Variants in CLCC1 observed in about 807,000 individuals in gnomAD.
CLCC1 encodes the protein chloride channel CLIC like 1.
In CLCC1, 39 loss-of-function variants were observed where a neutral mutation model predicts 63.3. That is an observed-to-expected ratio of 0.62 (90% confidence interval 0.48 to 0.81). CLCC1 has a LOEUF of 0.81. Among genes scored for constraint, CLCC1 ranks in the 30% least tolerant of loss-of-function variants. The pLI is 0.00. For synonymous variants in CLCC1, 217 were observed against 239.8 expected (o/e 0.90, Z 0.88); for missense variants, 549 against 669.4 (o/e 0.82, Z 1.98).
chr1:108,938,017 T>G (rs1489646535), intron 10 of CLCC1, among the ~76,000 whole-genome samples: 1 of 152,212 alleles, frequency 6.6e-6, no homozygotes, highest in Non-Finnish European at 1.5e-5. Context: ...TCTTTTTCAC[T>G]GTCCCCTCCT....
At position 108,931,291 on chromosome 1, in the gene CLCC1, A is replaced by C; in HGVS notation, c.*1256T>G. On this transcript the variant is annotated 3_prime_UTR_variant, in exon 13 of 13. Transcript: ENST00000369969. ...TCAGCTAGAACCTTAGTTGTCATTA[A>C]GCTTTGTCTTCCTTATCCCAGATAT... 1 of 1,523,326 alleles carries C rather than the reference A, an allele frequency of 6.6e-7. No homozygotes were observed. The highest frequency in any genetic ancestry group is 8.8e-7 in the Non-Finnish European group (1 of 1,133,926). 94.4% of individuals were successfully genotyped at this position (1,523,326 alleles called of 1,614,324 possible).
chr1:108,963,288 T>G (rs1048495045), intron 1 of CLCC1, 73 bp downstream of exon 1: 4 of 675,212 alleles, frequency 5.9e-6, no homozygotes, highest in Admixed American at 4.1e-5. Context: ...GCGAGTCCGC[T>G]GGACCCGCCA....
In CLCC1 at chr1:108,941,390, G is replaced by C; in HGVS notation, c.796+15C>G. ...ATTTCTATTCAAAATAAGGACAAGT[G>C]CACAAACACCTTACCCCAGATACTT... is the stretch of plus-strand genomic sequence containing the variant. On this transcript the variant is annotated intron_variant, in intron 8 of 12. Coordinates refer to ENST00000369969, the MANE Select transcript of CLCC1 (RefSeq NM_001377458.1). 1 of 1,603,126 alleles carries C rather than the reference G, an allele frequency of 6.2e-7. No homozygotes were observed. The highest frequency in any genetic ancestry group is 8.5e-7 in the Non-Finnish European group (1 of 1,171,934).
chr1:108,949,718 G>C, intron 4 of CLCC1, 102 bp downstream of exon 4: 1 of 627,498 alleles, frequency 1.6e-6, no homozygotes, highest in Non-Finnish European at 2.6e-6. Flanking sequence ...AAATCATACG[G>C]TACACGGAAA....
At chr1:108,946,872 T>C (rs1654606643) in intron 5 of CLCC1, among the ~76,000 whole-genome samples, 2 of 152,006 alleles carry the variant, frequency 1.3e-5, no homozygotes, top group South Asian at 2.1e-4. Flanking sequence ...TTCTTAAAAA[T>C]AGAAATTTTG....
chr1:108,944,507 C>T (rs1053968723), intron 5 of CLCC1, among the ~76,000 whole-genome samples: 1 of 151,970 alleles, frequency 6.6e-6, no homozygotes, highest in Non-Finnish European at 1.5e-5. Context: ...CCTGTCTTCA[C>T]AGGCCAACAT....
chr1:108,954,410 C>T (rs979445007), intron 2 of CLCC1, among the ~76,000 whole-genome samples: 1 of 150,872 alleles, frequency 6.6e-6, no homozygotes, highest in African/African-American at 2.5e-5. Flanking sequence ...GCAGGAGAAT[C>T]GCTTGAACCT....
Position 108,947,729 on chromosome 1 carries a change from A to T in CLCC1, c.232-11T>A. The T allele has an allele frequency of 1.9e-6, 3 of 1,547,758 alleles. No individual in the cohort carries two copies. The highest frequency in any genetic ancestry group is 2.2e-5 in the East Asian group (1 of 44,506). ...TTCACACTCATCAATCTGTAACCAT[A>T]AAATCAATTCAACATTAGTTAGAGT... On this transcript the variant is annotated splice_polypyrimidine_tract_variant and intron_variant, in intron 4 of 12. Coordinates refer to ENST00000369969, the MANE Select transcript of CLCC1 (RefSeq NM_001377458.1).
chr1:108,938,370 A>G (rs1453596664), intron 10 of CLCC1, among the ~76,000 whole-genome samples: 5 of 152,322 alleles, frequency 3.3e-5, no homozygotes, highest in Middle Eastern at 6.8e-3. Flanking sequence ...TCAGTTTCAG[A>G]GACTAAACTA....
Position 108,931,906 on chromosome 1 carries a change from A to T in CLCC1, c.*641T>A. ...GTATACAATAGTTCTTACAGCCTGT[A>T]AACATTCAACATTATTCCATTTAAA... On this transcript the variant is annotated 3_prime_UTR_variant, in exon 13 of 13. Transcript: ENST00000369969. 6.4e-6 allele frequency: 1 copy of T among 157,280 alleles called. No homozygotes were observed. Among genetic ancestry groups the T allele is most frequent in the African/African-American group, 2.4e-5 (1 of 41,500 alleles). The allele number at this position is 157,280 out of a possible 1,614,324, so 9.7% of individuals were successfully genotyped here.
chr1:108,939,216 A>G (rs1047965156), intron 10 of CLCC1, among the ~76,000 whole-genome samples: 2 of 146,298 alleles, frequency 1.4e-5, no homozygotes, highest in African/African-American at 2.5e-5. Context: ...TATAATATAT[A>G]AATATATATT....
At chr1:108,936,927 T>C (rs925569785) in intron 11 of CLCC1, 150 bp downstream of exon 11, 3 of 453,174 alleles carry the variant, frequency 6.6e-6, no homozygotes, top group Non-Finnish European at 1.1e-5. Flanking sequence ...TGAACTAACT[T>C]TTGACCAGAA....
chr1:108,954,529 G>A (rs1280929542), intron 2 of CLCC1, among the ~76,000 whole-genome samples: 2 of 150,864 alleles, frequency 1.3e-5, no homozygotes, highest in Non-Finnish European at 2.9e-5. Flanking sequence ...ACCACCACCA[G>A]CACTAAGCGC....
Position 108,930,062 on chromosome 1 carries a change from A to G in CLCC1, c.*2485T>C, listed in dbSNP as rs1651659027. On this transcript the variant is annotated 3_prime_UTR_variant, in exon 13 of 13. Transcript: ENST00000369969. The stretch of plus-strand genomic sequence containing the variant: ...TTAAAATATTTTTAGAATGATGTAA[A>G]TAGTTAACCTTCAGTAGTCTATTAA... The G allele has an allele frequency of 2.2e-6, 2 of 917,294 alleles. No homozygotes were observed. The highest frequency in any genetic ancestry group is 3.3e-6 in the Non-Finnish European group (2 of 598,462). The allele number at this position is 917,294 out of a possible 1,614,324, so 56.8% of individuals were successfully genotyped here.
chr1:108,956,985 A>G, intron 2 of CLCC1, among the ~76,000 whole-genome samples: 1 of 150,126 alleles, frequency 6.7e-6, no homozygotes, highest in Non-Finnish European at 1.5e-5. Flanking sequence ...GCTTTTAAAT[A>G]GGGGCGTGAT....
chr1:108,935,032 T>C, intron 11 of CLCC1, 90 bp from the exon 12 acceptor site: 2 of 1,268,552 alleles, frequency 1.6e-6, no homozygotes, highest in South Asian at 1.5e-5. Context: ...CCCAAATCCG[T>C]TGTAGCAAGC....
In CLCC1 at chr1:108,949,844, G is replaced by C; in HGVS notation, c.207C>G (p.His69Gln). 6.3e-7 allele frequency: 1 copy of C among 1,580,846 alleles called. No homozygotes were observed. The highest frequency in any genetic ancestry group is 8.6e-7 in the Non-Finnish European group (1 of 1,165,352). Residue 69 changes from histidine to glutamine, a missense_variant, in exon 4 of 13, where the codon CAC becomes CAG. By Grantham distance (24) the His-to-Gln change is conservative (BLOSUM62 0). Coordinates refer to ENST00000369969, the MANE Select transcript of CLCC1 (RefSeq NM_001377458.1). ...SCADEISECY[H>Q]KLDSLTYKID... Reference sequence around the variant, plus strand: ...CCTTATAAGTTAAAGAATCAAGTTTGTGATAACATTCTGATATTTCATCAG... The same window carrying C: ...CCTTATAAGTTAAAGAATCAAGTTTCTGATAACATTCTGATATTTCATCAG...
intron 1 of CLCC1, among the ~76,000 whole-genome samples, chr1:108,963,090 G>A (rs1042293149): frequency 1.3e-5 from 2 of 152,196 alleles, no homozygotes; most frequent in Non-Finnish European, 2.9e-5. Flanking sequence ...TGCCCTCGCT[G>A]TGCCTTCTCC....
intron 2 of CLCC1, among the ~76,000 whole-genome samples, chr1:108,950,675 A>ATT (rs1222560526): frequency 6.8e-6 from 1 of 146,286 alleles, no homozygotes; most frequent in Non-Finnish European, 1.5e-5. Flanking sequence ...CACCTGGATA[A>ATT]TTTTTTTTTT....
Sources: allele counts gnomAD v4.1 joint callset (sites outside exome capture counted in the v4.1 genomes callset), GRCh38; gene constraint gnomAD v4.1.1; transcripts MANE v1.5; gene names NCBI Gene and HGNC (gene_info 2026-07-23, HGNC 2026-07-21).